SPC25: variants seen among roughly 807,000 people sequenced by gnomAD.
SPC25 encodes kinetochore protein Spc25.
Under a neutral mutation model 29.6 loss-of-function variants are expected in SPC25, and 22 were observed. That is an observed-to-expected ratio of 0.74 (90% confidence interval 0.53 to 1.06). The LOEUF is 1.06. Among genes scored for constraint, SPC25 ranks in the 50% least tolerant of loss-of-function variants. SPC25 has a pLI of 0.00. For synonymous variants in SPC25, 91 were observed against 90.4 expected (o/e 1.01, Z -0.04); for missense variants, 230 against 255.8 (o/e 0.90, Z 0.69).
chr2:168,868,292 G>T (rs965654379), downstream of SPC25, among the ~76,000 whole-genome samples: 17 of 152,112 alleles, frequency 1.1e-4, no homozygotes, highest in African/African-American at 4.1e-4. Flanking sequence ...ACAATTCAAA[G>T]AACTAGAAAA....
Position 168,889,500 on chromosome 2 carries a change from G to A in SPC25, c.20C>T (p.Ala7Val), listed in dbSNP as rs1317004479. 1.2e-6 allele frequency: 2 copies of A among 1,613,686 alleles called. No individual in the cohort carries two copies. Among genetic ancestry groups the A allele is most frequent in the Middle Eastern group, 1.7e-4 (1 of 6,060 alleles). Residue 7 changes from alanine (A) to valine (V), a missense_variant, in exon 2 of 7, where the codon GCA becomes GTA. Coordinates refer to ENST00000282074, the MANE Select transcript of SPC25 (RefSeq NM_020675.4). Reference sequence around the variant, plus strand: ...TTCATTTATGCTTTTATCGAAAAGTGCCAGTTCGTCCTCTACCATTATGTA... The same window carrying A: ...TTCATTTATGCTTTTATCGAAAAGTACCAGTTCGTCCTCTACCATTATGTA... MVEDEL[A>V]LFDKSINEFW...
intron 4 of SPC25, among the ~76,000 whole-genome samples, chr2:168,862,930 C>T (rs1389715265): frequency 2.0e-5 from 3 of 152,208 alleles, no homozygotes; most frequent in Non-Finnish European, 4.4e-5. Context: ...AGCCAAACGA[C>T]AGGGACACCA....
chr2:168,863,857 A>G (rs775463064), intron 4 of SPC25, among the ~76,000 whole-genome samples: 3 of 152,168 alleles, frequency 2.0e-5, no homozygotes, highest in African/African-American at 7.2e-5. Context: ...CATCAGCTAC[A>G]TAGAAATAGA....
chr2:168,883,378 T>C (rs1330858525), intron 3 of SPC25, among the ~76,000 whole-genome samples: 1 of 152,190 alleles, frequency 6.6e-6, no homozygotes, highest in Non-Finnish European at 1.5e-5. Context: ...ATGAACATGA[T>C]CATATATTAC....
At chr2:168,870,424 T>G (rs1192170317), downstream of SPC25, among the ~76,000 whole-genome samples, 1 of 150,956 alleles carries the variant, frequency 6.6e-6, no homozygotes, top group Non-Finnish European at 1.5e-5. Context: ...ACAGGCAACC[T>G]ACAGAATGGG....
intron 4 of SPC25, chr2:168,862,167 C>T (rs898233517): frequency 3.6e-6 from 3 of 828,954 alleles, no homozygotes; most frequent in Non-Finnish European, 5.9e-6. Flanking sequence ...TCAGTTCACC[C>T]TTCTTGAAAG....
chr2:168,864,816 C>CT, intron 4 of SPC25: 1 of 1,613,280 alleles, frequency 6.2e-7, no homozygotes, highest in Non-Finnish European at 8.5e-7. Flanking sequence ...ACCCATTTGT[C>CT]TAACTGTATT....
intron 6 of SPC25, 113 bp downstream of exon 6, chr2:168,873,472 G>A (rs763846822): frequency 2.6e-5 from 18 of 680,426 alleles, no homozygotes; most frequent in Non-Finnish European, 4.6e-5. Flanking sequence ...GACTGAAAAA[G>A]GAAGCAATAG....
In SPC25 at chr2:168,871,553, A is replaced by C; in HGVS notation, c.553T>G (p.Ser185Ala). 6.8e-7 allele frequency: 1 copy of C among 1,470,534 alleles called. No homozygotes were observed. The highest frequency in any genetic ancestry group is 8.9e-7 in the Non-Finnish European group (1 of 1,122,052). 91.1% of individuals were successfully genotyped at this position (1,470,534 alleles called of 1,614,324 possible). The change falls in exon 7 of 7, where the codon TCA (serine) becomes GCA (alanine). Residue 185 changes from serine (S) to alanine (A), a missense_variant and splice_region_variant. Ser to Ala is a moderately conservative substitution (Grantham distance 99). Transcript: ENST00000282074. ...CCCTCAAGATGAGGGGCACTATCTG[A>C]CACTAGAAAAAAAAAAAAAAGAAAT... The part of the protein sequence containing the change: ...HLNEARDYEV[S>A]DSAPHLEGLA...
intron 3 of SPC25, among the ~76,000 whole-genome samples, chr2:168,887,421 C>CAAAAAAAAAAAAAAAAAAAACA (rs5836211): frequency 7.6e-6 from 1 of 131,390 alleles, no homozygotes; most frequent in African/African-American, 2.9e-5. Context: ...GACTCCATCT[C>CAAAAAAAAAAAAAAAAAAAACA]AAAAAAAAAA....
At chr2:168,861,929 A>G in intron 4 of SPC25, 1 of 1,600,158 alleles carries the variant, frequency 6.2e-7, no homozygotes, top group South Asian at 1.1e-5. Context: ...CTGCTAACAC[A>G]GCATACTAAT....
At chr2:168,871,861 ATTTTG>A (rs994448532) in intron 6 of SPC25, among the ~76,000 whole-genome samples, 1 of 151,304 alleles carries the variant, frequency 6.6e-6, no homozygotes, top group African/African-American at 2.4e-5. Flanking sequence ...AAACTTATAT[ATTTTG>A]TTTTAACTAT....
intron 4 of SPC25, chr2:168,864,856 GA>G (rs752189148): frequency 6.2e-7 from 1 of 1,613,856 alleles, no homozygotes; most frequent in South Asian, 1.1e-5. Context: ...TTATACACGA[GA>G]AAAAAGAAGG....
intron 3 of SPC25, among the ~76,000 whole-genome samples, chr2:168,885,708 A>AT (rs1388426021): frequency 6.6e-6 from 1 of 152,176 alleles, no homozygotes; most frequent in African/African-American, 2.4e-5. Context: ...TCTGTTGAAC[A>AT]TCCCTAACCC....
At chr2:168,882,440 G>A (rs555118) in intron 3 of SPC25, among the ~76,000 whole-genome samples, 124,847 of 152,162 alleles carry the variant, frequency 0.82, 51,262 homozygotes, top group East Asian at 0.91. Context: ...CCTCGTCTCT[G>A]CTAAAAATAC....
At chr2:168,882,582 CAG>C (rs748422760) in intron 3 of SPC25, among the ~76,000 whole-genome samples, 41 of 151,822 alleles carry the variant, frequency 2.7e-4, no homozygotes, top group Non-Finnish European at 5.0e-4. Flanking sequence ...AGCCTGGTGA[CAG>C]GGCGAGACCC....
chr2:168,865,159 G>T (rs754642185), intron 4 of SPC25: 83 of 632,466 alleles, frequency 1.3e-4, no homozygotes, highest in Non-Finnish European at 2.1e-4. Context: ...GATGGGTGGA[G>T]ACAGACAAGG....
At chr2:168,885,243 C>T (rs896387518) in intron 3 of SPC25, among the ~76,000 whole-genome samples, 3 of 152,154 alleles carry the variant, frequency 2.0e-5, no homozygotes, top group Non-Finnish European at 2.9e-5. Flanking sequence ...ATTCATACTC[C>T]ATGTCAGAAG....
intron 6 of SPC25, among the ~76,000 whole-genome samples, chr2:168,872,148 A>G (rs887056617): frequency 2.0e-5 from 3 of 152,100 alleles, no homozygotes; most frequent in Non-Finnish European, 4.4e-5. Flanking sequence ...TTGTATTTTC[A>G]GTAGAGGCAG....
Sources: allele counts gnomAD v4.1 joint callset (sites outside exome capture counted in the v4.1 genomes callset), GRCh38; gene constraint gnomAD v4.1.1; transcripts MANE v1.5; gene names NCBI Gene and HGNC (gene_info 2026-07-23, HGNC 2026-07-21).